The following FHOD1 variants were observed in gnomAD, a reference collection of about 807,000 sequenced individuals.
FHOD1 encodes FH1/FH2 domain-containing protein 1.
A neutral mutation model predicts 111.6 loss-of-function variants in FHOD1; 89 were observed. The observed-to-expected ratio is 0.80, with a 90% CI of 0.67 to 0.95. FHOD1 has a LOEUF of 0.95. Among genes scored for constraint, FHOD1 ranks in the 40% least tolerant of loss-of-function variants. The pLI, the probability that FHOD1 is intolerant of heterozygous loss-of-function variation, is 0.00. For synonymous variants in FHOD1, 618 were observed against 639.0 expected, an observed-to-expected ratio of 0.97 and a Z score of 0.50; for missense variants, 1,446 against 1,554.2, an observed-to-expected ratio of 0.93 and a Z score of 1.17.
At position 67,233,917 on chromosome 16, in the gene FHOD1, C is replaced by A; in HGVS notation, c.1786G>T (p.Gly596Cys). The A allele has an allele frequency of 1.8e-6, 1 of 544,490 alleles. No homozygotes were observed. The highest frequency in any genetic ancestry group is 2.6e-6 in the Non-Finnish European group (1 of 391,264). 33.7% of individuals were successfully genotyped at this position (544,490 alleles called of 1,614,324 possible). A position where few individuals can be genotyped will look rare whatever the true frequency, so the allele number is the denominator to read the frequency against. The change falls in exon 13 of 22, where the codon GGC becomes TGC. Residue 596 changes from glycine to cysteine, a missense_variant. Around this residue, in one of 3 missense-constraint regions of FHOD1, gnomAD observed 1,085 missense variants for 1,108.8 expected, o/e 0.98. Transcript: ENST00000258201. ...PPLPPPPPIK[G>C]PFPPPPPLPL... ...AGAGGTGGAGGTGGTGGGAAGGGGC[C>A]TTTGATGGGTGGGGGAGGTGGAAGT...
In FHOD1 at chr16:67,238,293, C is replaced by G. The variant is rs2142290819; in HGVS notation, c.456G>C (p.Leu152=). 1.2e-6 allele frequency: 2 copies of G among 1,614,174 alleles called. No individual in the cohort carries two copies. The highest frequency in any genetic ancestry group is 4.5e-5 in the East Asian group (2 of 44,876). Residue 152 remains leucine (L), a synonymous_variant, in exon 5 of 22, where the codon CTG becomes CTC. Coordinates refer to ENST00000258201, the MANE Select transcript of FHOD1 (RefSeq NM_013241.3). This position sits in a 1 kb window ranked among gnomAD's most constrained non-coding sequence, Gnocchi z 4.2. The stretch of plus-strand genomic sequence containing the variant: ...CCTCTGAATGCACAAATTCAGGCAC[C>G]AGGTCTTTGTCCTCCTAGAGGCACC... The part of the protein sequence containing the change: ...LKQIFQEDKD[L]VPEFVHSEGL...
In FHOD1 at chr16:67,238,098, C is replaced by T; in HGVS notation, c.578G>A (p.Gly193Glu). ...ALGQLMLFVDGMLGVVAHSDT... is the reference protein window; with the variant it reads ...ALGQLMLFVDEMLGVVAHSDT... The stretch of plus-strand genomic sequence containing the variant: ...ACTGTGGGCCACCACCCCCAGCATT[C>T]CATCCACAAAGAGCATCAGCTGGCC... The change falls in exon 6 of 22, where the codon GGA becomes GAA. Residue 193 changes from glycine (G) to glutamate (E), a missense_variant. Transcript: ENST00000258201. The surrounding 1 kb of genome is among the most constrained non-coding windows in gnomAD (Gnocchi z 4.2). The T allele has an allele frequency of 6.2e-7, 1 of 1,614,244 alleles. No individual in the cohort carries two copies. The highest frequency in any genetic ancestry group is 8.5e-7 in the Non-Finnish European group (1 of 1,180,034).
At chr16:67,242,928 A>G (rs980291923) in intron 1 of FHOD1, among the ~76,000 whole-genome samples, 8 of 151,460 alleles carry the variant, frequency 5.3e-5, no homozygotes, top group Non-Finnish European at 8.8e-5. Context: ...TATAATATAT[A>G]GATGTCTATA....
rs904477147 is a variant in FHOD1 at position 67,229,503 on chromosome 16, C to T, written c.*133G>A. ...ACACACACTCACATGCATACACACA[C>T]GGCTAATACTGCTCAAGGCATGGCT... is the stretch of plus-strand genomic sequence containing the variant. On this transcript the variant is annotated 3_prime_UTR_variant, in exon 22 of 22. Coordinates refer to ENST00000258201, the MANE Select transcript of FHOD1 (RefSeq NM_013241.3). 3.4e-5 allele frequency: 26 copies of T among 773,896 alleles called. No homozygotes were observed. The highest frequency in any genetic ancestry group is 1.8e-4 in the South Asian group (12 of 65,286). 47.9% of individuals were successfully genotyped at this position (773,896 alleles called of 1,614,324 possible). A position where few individuals can be genotyped will look rare whatever the true frequency, so the allele number is the denominator to read the frequency against.
chr16:67,241,967 T>C (rs1207020700), intron 1 of FHOD1, among the ~76,000 whole-genome samples: 1 of 151,408 alleles, frequency 6.6e-6, no homozygotes, highest in Non-Finnish European at 1.5e-5. Flanking sequence ...GGTTAAATAG[T>C]CCACCTTCTT....
chr16:67,238,570 G>T lies in FHOD1; in HGVS notation c.374-123C>A. On this transcript the variant is annotated intron_variant, in intron 3 of 21. Transcript: ENST00000258201. The surrounding 1 kb of genome is among the most constrained non-coding windows in gnomAD (Gnocchi z 4.2). ...ATATATGTTTTGGTCTGAGAGACAG[G>T]GTCTCACTCTGTCACTCAGGCTGGA... 1.0e-6 allele frequency: 1 copy of T among 961,884 alleles called. No homozygotes were observed. The highest frequency in any genetic ancestry group is 1.6e-6 in the Non-Finnish European group (1 of 617,836). 59.6% of individuals were successfully genotyped at this position (961,884 alleles called of 1,614,324 possible).
chr16:67,240,822 G>C (rs1269972313), intron 1 of FHOD1, among the ~76,000 whole-genome samples: 1 of 152,246 alleles, frequency 6.6e-6, no homozygotes, highest in African/African-American at 2.4e-5. Context: ...TGACTTAAGT[G>C]GCTCTGGCCC....
chr16:67,231,402 C>G lies in FHOD1; in HGVS notation c.2505+28G>C, dbSNP rs200196443. 829 of 1,613,548 alleles carry G rather than the reference C, an allele frequency of 5.1e-4. 1 individual carries two copies. The highest frequency in any genetic ancestry group is 6.5e-4 in the Non-Finnish European group (768 of 1,179,878). ...CTGGTTGGCTCCAGAACCCTGACTCCCCCTAGTCCCCATGTACTCTCACTC... is the reference window on the plus strand; with the variant it reads ...CTGGTTGGCTCCAGAACCCTGACTCGCCCTAGTCCCCATGTACTCTCACTC... On this transcript the variant is annotated intron_variant, in intron 16 of 21. Coordinates refer to ENST00000258201, the MANE Select transcript of FHOD1 (RefSeq NM_013241.3). This position sits in a 1 kb window ranked among gnomAD's most constrained non-coding sequence, Gnocchi z 4.3.
In FHOD1 at chr16:67,234,970, G is replaced by T. The variant is rs572653077; in HGVS notation, c.1320-498C>A. Among the ~76,000 whole-genome samples the T allele has an allele frequency of 1.5e-4, 23 of 152,228 alleles. 1 individual carries two copies. The highest frequency in any genetic ancestry group is 2.9e-4 in the Non-Finnish European group (20 of 68,010). On this transcript the variant is annotated intron_variant, in intron 11 of 21. Coordinates refer to ENST00000258201, the MANE Select transcript of FHOD1 (RefSeq NM_013241.3). ...AGACAGGGTCTCACTGTGTTGTTCA[G>T]GCTGGCCTTGAATTCCTGGCCTCAA...
chr16:67,236,236 G>A (rs910866622), intron 11 of FHOD1, among the ~76,000 whole-genome samples: 4 of 152,204 alleles, frequency 2.6e-5, no homozygotes, highest in African/African-American at 4.8e-5. Context: ...AGAGACTGAC[G>A]TGGAGCAGGA....
rs1172164033 is a variant in FHOD1 at position 67,238,350 on chromosome 16, A to AG, written c.441+29_441+30insC. 1 of 1,613,978 alleles carries AG rather than the reference A, an allele frequency of 6.2e-7. No individual in the cohort carries two copies. On this transcript the variant is annotated intron_variant, in intron 4 of 21. Transcript: ENST00000258201. This position sits in a 1 kb window ranked among gnomAD's most constrained non-coding sequence, Gnocchi z 4.2. ...GAGTTTAGGGAAGCTTGGGCTACAC[A>AG]CTTACCCCCAGCCCACTGCGGGGCC...
At position 67,231,007 on chromosome 16, in the gene FHOD1, G is replaced by A; in HGVS notation, c.2667+181C>T. 1 of 883,862 alleles carries A rather than the reference G, an allele frequency of 1.1e-6. No individual in the cohort carries two copies. Among genetic ancestry groups the A allele is most frequent in the Admixed American group, 2.8e-5 (1 of 35,130 alleles). 54.8% of individuals were successfully genotyped at this position (883,862 alleles called of 1,614,324 possible). On this transcript the variant is annotated intron_variant, in intron 17 of 21. Coordinates refer to ENST00000258201, the MANE Select transcript of FHOD1 (RefSeq NM_013241.3). The surrounding 1 kb of genome is among the most constrained non-coding windows in gnomAD (Gnocchi z 4.3). ...GCAGTTAAACAGACCCAAAGACTGA[G>A]TAGGTGTGGCCAGGCCAATAGAGGA...
At position 67,247,266 on chromosome 16, in the gene FHOD1, G is replaced by A. The variant is rs1353499601; in HGVS notation, c.145C>T (p.Leu49=). ...GCGGGTATCTGCGCGCCCAAGGGCA[G>A]CGCCCCGTCCAGGCTGCAGGTGGGG... ...RAPTCSLDGA[L]PLGAQIPAVH... is the part of the protein sequence containing the mutation. Residue 49 remains leucine, a synonymous_variant, in exon 1 of 22, where the codon CTG becomes TTG. Coordinates refer to ENST00000258201, the MANE Select transcript of FHOD1 (RefSeq NM_013241.3). The A allele has an allele frequency of 6.2e-7, 1 of 1,611,152 alleles. No homozygotes were observed. Among genetic ancestry groups the A allele is most frequent in the Non-Finnish European group, 8.5e-7 (1 of 1,179,148 alleles).
chr16:67,243,428 G>T (rs2034722770), intron 1 of FHOD1, among the ~76,000 whole-genome samples: 2 of 150,538 alleles, frequency 1.3e-5, no homozygotes, highest in South Asian at 2.1e-4. Context: ...CACCCACACT[G>T]TTCTTGAACT....
In FHOD1 at chr16:67,236,711, C is replaced by T. The variant is rs764581326; in HGVS notation, c.1165G>A (p.Val389Ile). 1 of 1,565,016 alleles carries T rather than the reference C, an allele frequency of 6.4e-7. No individual in the cohort carries two copies. Among genetic ancestry groups the T allele is most frequent in the East Asian group, 2.3e-5 (1 of 42,714 alleles). ...EPGPTGPASPVGPTSSTGPAL... is the reference protein window; with the variant it reads ...EPGPTGPASPIGPTSSTGPAL... ...GGGCCGGTGGAAGAGGTGGGGCCTA[C>T]CGGTGAGGCGGGGCCTGTGGGGCTG... Residue 389 changes from valine (V) to isoleucine (I), a missense_variant, in exon 11 of 22, where the codon GTA (valine) becomes ATA (isoleucine). Transcript: ENST00000258201.
chr16:67,247,392 G>C lies in FHOD1; in HGVS notation c.19C>G (p.Arg7Gly), dbSNP rs766867560. Residue 7 changes from arginine to glycine, a missense_variant, in exon 1 of 22, where the codon CGC becomes GGC. Transcript: ENST00000258201. The part of the protein sequence containing the change: MAGGED[R>G]GDGEPVSVVT... ...ACTGATACCGGCTCTCCGTCCCCGC[G>C]GTCTTCCCCGCCCGCCATGGCTCTG... 6.2e-7 allele frequency: 1 copy of C among 1,612,896 alleles called. No individual in the cohort carries two copies. The highest frequency in any genetic ancestry group is 1.7e-5 in the Admixed American group (1 of 60,002).
intron 1 of FHOD1, among the ~76,000 whole-genome samples, chr16:67,245,580 A>G (rs1213629391): frequency 6.6e-6 from 1 of 152,132 alleles, no homozygotes; most frequent in Non-Finnish European, 1.5e-5. Context: ...CCCTGTCCCT[A>G]CTAAAAATAC....
intron 1 of FHOD1, 160 bp downstream of exon 1, chr16:67,247,050 C>A (rs2034877652): frequency 1.3e-6 from 1 of 783,356 alleles, no homozygotes; most frequent in Middle Eastern, 3.9e-4. Context: ...AGAGGGGACT[C>A]CCCCGCAGGC....
rs772102709 is a variant in FHOD1, at chr16:67,231,639, G to A, written c.2383C>T (p.Arg795Trp). The A allele has an allele frequency of 5.6e-6, 9 of 1,614,062 alleles. No homozygotes were observed. Among genetic ancestry groups the A allele is most frequent in the East Asian group, 4.5e-5 (2 of 44,886 alleles). The change falls in exon 15 of 22, where the codon CGG (arginine) becomes TGG (tryptophan). Residue 795 changes from arginine (R) to tryptophan (W), a missense_variant and splice_region_variant. By Grantham distance (101) the Arg-to-Trp change is moderately radical. This residue lies in a region of FHOD1 where 1,085 missense variants were observed against 1,108.8 expected (regional missense o/e 0.98). Transcript: ENST00000258201. This position sits in a 1 kb window ranked among gnomAD's most constrained non-coding sequence, Gnocchi z 4.3. ...AFKLDYDSME[R>W]EIAEPLFDLK... is the part of the protein sequence containing the mutation. Reference sequence around the variant, plus strand: ...GTCCCACTCCAAGACCCAGGTACCCGCTCCATGCTGTCATAGTCCAGCTTG... The same window carrying A: ...GTCCCACTCCAAGACCCAGGTACCCACTCCATGCTGTCATAGTCCAGCTTG...
Sources: gnomAD v4.1 joint callset for allele counts (sites outside exome capture counted in the v4.1 genomes callset) on GRCh38, gnomAD v4.1.1 for gene constraint, gnomAD v4.1.1 regional missense constraint, Gnocchi (gnomAD v3.1) non-coding constraint, MANE v1.5 for transcripts, NCBI Gene and HGNC (gene_info 2026-07-23, HGNC 2026-07-21) for gene names.